Variants in CCSER2 observed in about 807,000 individuals in gnomAD.
CCSER2 encodes coiled-coil serine rich protein 2.
In CCSER2, 46 loss-of-function variants were observed where a neutral mutation model predicts 92.3. That is an observed-to-expected ratio of 0.50 (90% CI 0.39 to 0.64). The LOEUF is 0.64. CCSER2 is among the 30% of genes least tolerant of loss of function. The pLI, the probability that CCSER2 is intolerant of heterozygous loss-of-function variation, is 0.00. For missense variants in CCSER2, 1,244 were observed against 1,238.9 expected (o/e 1.00, Z -0.06); for synonymous variants, 433 against 431.4 (o/e 1.00, Z -0.04).
intron 1 of CCSER2, among the ~76,000 whole-genome samples, chr10:84,335,228 CTTTTTTTT>C (rs1202869188): frequency 4.3e-5 from 3 of 69,998 alleles, no homozygotes; most frequent in African/African-American, 1.1e-4. Context: ...CTCTCTCTCT[CTTTTTTTT>C]TTTTTTTTTT....
intron 5 of CCSER2, among the ~76,000 whole-genome samples, chr10:84,434,317 G>A (rs945912081): frequency 1.3e-5 from 2 of 151,988 alleles, no homozygotes; most frequent in Admixed American, 6.6e-5. Flanking sequence ...TTTCTGTCCC[G>A]TGTTCCCGCT....
chr10:84,448,117 T>A (rs1432881582), intron 6 of CCSER2, among the ~76,000 whole-genome samples: 1 of 152,058 alleles, frequency 6.6e-6, no homozygotes, highest in Non-Finnish European at 1.5e-5. Context: ...GCCTTCTCAC[T>A]CTGCTTGGCC....
chr10:84,344,502 A>G (rs1455544060), intron 1 of CCSER2, among the ~76,000 whole-genome samples: 1 of 152,198 alleles, frequency 6.6e-6, no homozygotes, highest in East Asian at 1.9e-4. Flanking sequence ...TCACATGGAC[A>G]TTACCTTGGA....
chr10:84,438,409 A>G lies in CCSER2; in HGVS notation c.1869-103A>G, dbSNP rs1844318323. On this transcript the variant is annotated intron_variant, in intron 5 of 9. Transcript: ENST00000372088. The stretch of plus-strand genomic sequence containing the variant: ...GGAAGTCAGAGCCATGGTGATAATG[A>G]TAAGTGATTTGTAATAATCACTGCA... 1.6e-5 allele frequency: 11 copies of G among 687,080 alleles called. 1 individual carries two copies. In the East Asian group the frequency reaches 2.6e-4, roughly 16 times the overall value. 42.6% of individuals were successfully genotyped at this position (687,080 alleles called of 1,614,324 possible). A position where few individuals can be genotyped will look rare whatever the true frequency, so the allele number is the denominator to read the frequency against.
intron 4 of CCSER2, among the ~76,000 whole-genome samples, chr10:84,420,018 A>G (rs1444490298): frequency 6.6e-6 from 1 of 152,218 alleles, no homozygotes; most frequent in African/African-American, 2.4e-5. Flanking sequence ...TAGGGCTGGT[A>G]GTGAGGAGTG....
intron 1 of CCSER2, among the ~76,000 whole-genome samples, chr10:84,358,220 ATCTTT>A (rs1440381667): frequency 6.6e-6 from 1 of 152,196 alleles, no homozygotes; most frequent in African/African-American, 2.4e-5. Context: ...TAACCTGGTT[ATCTTT>A]TCTTGCAGCT....
chr10:84,383,294 T>C (rs1344779091), intron 3 of CCSER2, among the ~76,000 whole-genome samples: 1 of 143,410 alleles, frequency 7.0e-6, no homozygotes. Flanking sequence ...CCAGAGATGC[T>C]TTGATCTTTT....
Position 84,513,448 on chromosome 10 carries a change from G to A in CCSER2, c.2326-1G>A. ...GCTAATGTTGTTTTTAATTTTAACA[G>A]CCTCAAGTACTACAGCCTTCCAGCA... is the stretch of plus-strand genomic sequence containing the variant. On this transcript the variant is annotated splice_acceptor_variant, in intron 9 of 9. Coordinates refer to ENST00000372088, the MANE Select transcript of CCSER2 (RefSeq NM_001284240.2). LOFTEE classifies it high-confidence loss of function. 1 of 1,584,028 alleles carries A rather than the reference G, an allele frequency of 6.3e-7. No individual in the cohort carries two copies. The highest frequency in any genetic ancestry group is 8.6e-7 in the Non-Finnish European group (1 of 1,166,302).
At chr10:84,407,434 A>G (rs1372846076) in intron 3 of CCSER2, among the ~76,000 whole-genome samples, 3 of 152,150 alleles carry the variant, frequency 2.0e-5, no homozygotes, top group African/African-American at 4.8e-5. Flanking sequence ...GTTAATAAGC[A>G]TCATACATTT....
At chr10:84,363,492 ATTG>A (rs1464431012) in intron 1 of CCSER2, among the ~76,000 whole-genome samples, 1 of 152,220 alleles carries the variant, frequency 6.6e-6, no homozygotes, top group Non-Finnish European at 1.5e-5. Flanking sequence ...AGTCATCAGT[ATTG>A]TTGTTCAGTT....
rs1846028531 is a variant in CCSER2, at chr10:84,370,940, A to T, written c.-39-74A>T. On this transcript the variant is annotated intron_variant, in intron 1 of 9. Transcript: ENST00000372088. ...TTTTTCTGCGTATAAAAGTGTAAGT[A>T]TCATATTATGTAATAATTCATGTAA... 3 of 682,764 alleles carry T rather than the reference A, an allele frequency of 4.4e-6. No homozygotes were observed. In the African/African-American group the frequency reaches 5.5e-5, roughly 13 times the overall value. The allele number at this position is 682,764 out of a possible 1,614,324, so 42.3% of individuals were successfully genotyped here. A position where few individuals can be genotyped will look rare whatever the true frequency, so the allele number is the denominator to read the frequency against.
chr10:84,338,354 C>T (rs1024524215), intron 1 of CCSER2, among the ~76,000 whole-genome samples: 1 of 148,934 alleles, frequency 6.7e-6, no homozygotes, highest in Non-Finnish European at 1.5e-5. Flanking sequence ...CAACAAAAAA[C>T]AAAAGGAAAA....
chr10:84,423,694 A>C (rs937898420), intron 4 of CCSER2, among the ~76,000 whole-genome samples: 7 of 152,190 alleles, frequency 4.6e-5, no homozygotes, highest in Non-Finnish European at 8.8e-5. Flanking sequence ...CAGAACAGTT[A>C]AATGTAGATT....
At chr10:84,409,855 A>G (rs181491365) in intron 3 of CCSER2, among the ~76,000 whole-genome samples, 5 of 152,276 alleles carry the variant, frequency 3.3e-5, no homozygotes, top group East Asian at 1.9e-4. Flanking sequence ...AGATAATTCT[A>G]TCATCCAGGT....
chr10:84,478,129 C>T (rs1332169914), intron 9 of CCSER2, among the ~76,000 whole-genome samples: 1 of 152,126 alleles, frequency 6.6e-6, no homozygotes. Context: ...CACGAAGATA[C>T]AGACAATAAA....
At chr10:84,464,360 A>G (rs1207487143) in intron 7 of CCSER2, among the ~76,000 whole-genome samples, 1 of 152,206 alleles carries the variant, frequency 6.6e-6, no homozygotes, top group African/African-American at 2.4e-5. Flanking sequence ...TTGAAGAAGT[A>G]TACTGAAAAT....
intron 6 of CCSER2, among the ~76,000 whole-genome samples, chr10:84,439,374 TCATAGA>T (rs1331154082): frequency 6.6e-6 from 1 of 152,168 alleles, no homozygotes; most frequent in Non-Finnish European, 1.5e-5. Context: ...TAATTTTAAG[TCATAGA>T]TACCTTTCGT....
At chr10:84,440,389 T>C (rs1263034296) in intron 6 of CCSER2, among the ~76,000 whole-genome samples, 1 of 152,166 alleles carries the variant, frequency 6.6e-6, no homozygotes, top group Non-Finnish European at 1.5e-5. Flanking sequence ...AGTTCAAAAT[T>C]TCATGTCATT....
chr10:84,446,277 A>G (rs982914785), intron 6 of CCSER2, among the ~76,000 whole-genome samples: 1 of 152,230 alleles, frequency 6.6e-6, no homozygotes, highest in Non-Finnish European at 1.5e-5. Context: ...GGGGATAAAA[A>G]TAAAGGAGTA....
Sources: allele counts gnomAD v4.1 joint callset (sites outside exome capture counted in the v4.1 genomes callset), GRCh38; gene constraint gnomAD v4.1.1; transcripts MANE v1.5; gene names NCBI Gene and HGNC (gene_info 2026-07-23, HGNC 2026-07-21).